Variants in APC observed in about 807,000 individuals in gnomAD.
The protein encoded by APC is adenomatous polyposis coli protein.
In APC, 72 loss-of-function variants were observed where a neutral mutation model predicts 247.0. The ratio of observed to expected loss-of-function variants is 0.29; its 90% CI spans 0.24 to 0.35. APC has a LOEUF of 0.35. Among genes scored for constraint, APC ranks in the 10% least tolerant of loss-of-function variants. The pLI is 1.00. For synonymous variants in APC, 1,254 were observed against 1,162.5 expected, an observed-to-expected ratio of 1.08 and a Z score of -1.60; for missense variants, 3,400 against 3,360.7, an observed-to-expected ratio of 1.01 and a Z score of -0.29.
intron 7 of APC, among the ~76,000 whole-genome samples, chr5:112,795,968 A>C (rs1241860748): frequency 6.6e-6 from 1 of 152,208 alleles, no homozygotes; most frequent in Admixed American, 6.5e-5. Flanking sequence ...ATTCCAGGAG[A>C]GATTAAGTCC....
chr5:112,806,817 A>G (rs910038687), intron 8 of APC, among the ~76,000 whole-genome samples: 5 of 152,088 alleles, frequency 3.3e-5, no homozygotes, highest in South Asian at 2.1e-4. Flanking sequence ...AGCTCAAGCA[A>G]TCCTCCAGCA....
chr5:112,803,821 C>T (rs1282107919), intron 8 of APC, among the ~76,000 whole-genome samples: 2 of 152,074 alleles, frequency 1.3e-5, no homozygotes, highest in Non-Finnish European at 1.5e-5. Context: ...AATTTTTAGC[C>T]TTCAATTGTT....
At chr5:112,831,408 C>G (rs919362481) in intron 14 of APC, among the ~76,000 whole-genome samples, 1 of 152,304 alleles carries the variant, frequency 6.6e-6, no homozygotes, top group East Asian at 1.9e-4. Flanking sequence ...CATGGTCAAT[C>G]TTGGAAAAAC....
rs558562104 is a variant in APC at position 112,707,555 on chromosome 5, G to A, written c.-163G>A. The A allele has an allele frequency of 8.4e-5, 51 of 605,396 alleles. 1 individual carries two copies. In the South Asian group the frequency reaches 8.8e-4, roughly 10 times the overall value. The allele number at this position is 605,396 out of a possible 1,614,324, so 37.5% of individuals were successfully genotyped here. A position where few individuals can be genotyped will look rare whatever the true frequency, so the allele number is the denominator to read the frequency against. ...CGGAGGGCAAGTAGCAAGGGGGCGG[G>A]GTGTGGCCGCCGGAAGCCTAGCCGC... On this transcript the variant is annotated 5_prime_UTR_variant, in exon 1 of 14. Transcript: ENST00000507379.
chr5:112,833,294 T>C (rs886428973), intron 14 of APC, among the ~76,000 whole-genome samples: 4 of 151,502 alleles, frequency 2.6e-5, no homozygotes, highest in Admixed American at 6.6e-5. Context: ...GCGATTCCCC[T>C]GCCTCAGCCT....
Position 112,838,744 on chromosome 5 carries a change from A to G in APC, c.3150A>G (p.Ala1050=), listed in dbSNP as rs1554084742. Residue 1050 remains alanine, a synonymous_variant, in exon 16 of 16, where the codon GCA becomes GCG. Transcript: ENST00000257430. ...RQSPSQNERW[A]RPKHIIEDEI... ...GTCCTTCACAGAATGAAAGATGGGC[A>G]AGACCCAAACACATAATAGAAGATG... 1 of 1,614,186 alleles carries G rather than the reference A, an allele frequency of 6.2e-7. No individual in the cohort carries two copies. The highest frequency in any genetic ancestry group is 1.7e-5 in the Admixed American group (1 of 60,030).
chr5:112,773,237 T>TA (rs1757247992), intron 4 of APC, among the ~76,000 whole-genome samples: 1 of 152,176 alleles, frequency 6.6e-6, no homozygotes, highest in Non-Finnish European at 1.5e-5. Context: ...ACCTTCCACA[T>TA]ACTCACTACT....
At chr5:112,791,331 C>T (rs182244275) in intron 6 of APC, among the ~76,000 whole-genome samples, 1 of 152,224 alleles carries the variant, frequency 6.6e-6, no homozygotes, top group East Asian at 1.9e-4. Flanking sequence ...CAGTTAGGTA[C>T]TTGGAAAGGC....
chr5:112,760,831 A>T (rs1268145849), intron 2 of APC, among the ~76,000 whole-genome samples: 2 of 151,234 alleles, frequency 1.3e-5, no homozygotes, highest in Admixed American at 6.6e-5. Flanking sequence ...TTTTTTCAAG[A>T]CAGAGTCTCG....
chr5:112,800,488 C>T (rs547607345), intron 7 of APC, among the ~76,000 whole-genome samples: 10 of 152,098 alleles, frequency 6.6e-5, no homozygotes, highest in South Asian at 2.1e-4. Context: ...AAAGAAATTA[C>T]GTTAGGAATC....
chr5:112,713,925 T>G, intron 1 of APC, among the ~76,000 whole-genome samples: 1 of 152,246 alleles, frequency 6.6e-6, no homozygotes, highest in East Asian at 1.9e-4. Context: ...CCCAAAGTGC[T>G]GGGATTATAG....
intron 4 of APC, among the ~76,000 whole-genome samples, chr5:112,772,772 C>T (rs930936554): frequency 6.6e-6 from 1 of 152,206 alleles, no homozygotes; most frequent in Non-Finnish European, 1.5e-5. Context: ...CTGCCTCAGC[C>T]TCCCAAAGTA....
intron 9 of APC, among the ~76,000 whole-genome samples, chr5:112,816,222 A>G (rs1191497606): frequency 6.6e-6 from 1 of 152,158 alleles, no homozygotes; most frequent in African/African-American, 2.4e-5. Flanking sequence ...ACATTTTCTG[A>G]TTCCCAAGGT....
chr5:112,787,771 T>C (rs900739772), intron 6 of APC, among the ~76,000 whole-genome samples: 3 of 152,208 alleles, frequency 2.0e-5, no homozygotes, highest in Non-Finnish European at 4.4e-5. Context: ...AAATAAACTT[T>C]TATGATAGAG....
At chr5:112,808,357 G>A (rs2149736277) in intron 8 of APC, among the ~76,000 whole-genome samples, 1 of 152,274 alleles carries the variant, frequency 6.6e-6, no homozygotes, top group South Asian at 2.1e-4. Flanking sequence ...TCTGATATCT[G>A]TTCTAATCTG....
chr5:112,811,271 G>A (rs557714492), intron 8 of APC, among the ~76,000 whole-genome samples: 2 of 152,306 alleles, frequency 1.3e-5, no homozygotes, highest in South Asian at 2.1e-4. Flanking sequence ...TGATTCAAGG[G>A]ATGTGCAATC....
chr5:112,820,020 C>G (rs954265745), intron 10 of APC, among the ~76,000 whole-genome samples: 2 of 152,116 alleles, frequency 1.3e-5, no homozygotes, highest in Non-Finnish European at 2.9e-5. Context: ...ATAATCCACC[C>G]AGCTCTTCAC....
At chr5:112,751,970 G>A (rs970772242) in intron 1 of APC, among the ~76,000 whole-genome samples, 1 of 151,834 alleles carries the variant, frequency 6.6e-6, no homozygotes, top group African/African-American at 2.4e-5. Flanking sequence ...CTCATCTTTG[G>A]CATGAACATA....
chr5:112,719,046 G>A (rs910487535), intron 1 of APC, among the ~76,000 whole-genome samples: 1 of 152,220 alleles, frequency 6.6e-6, no homozygotes, highest in African/African-American at 2.4e-5. Context: ...TATGTGAGTA[G>A]TGCCTTAGGG....
Sources: gnomAD v4.1 joint callset for allele counts (sites outside exome capture counted in the v4.1 genomes callset) on GRCh38, gnomAD v4.1.1 for gene constraint, MANE v1.5 for transcripts, NCBI Gene and HGNC (gene_info 2026-07-23, HGNC 2026-07-21) for gene names.